Variants in PDZD2 observed in about 807,000 individuals in gnomAD.
The protein encoded by PDZD2 is PDZ domain containing 2, also known as PDZ domain-containing protein 2.
Under a neutral mutation model 220.7 loss-of-function variants are expected in PDZD2, and 90 were observed. The ratio of observed to expected loss-of-function variants is 0.41; its 90% confidence interval spans 0.34 to 0.49. The LOEUF is 0.49. Ranked by LOEUF, PDZD2 falls within the 20% of genes least tolerant of loss-of-function variation. PDZD2 has a pLI of 0.28. For missense variants in PDZD2, 3,174 were observed against 3,608.5 expected (o/e 0.88, Z 3.08); for synonymous variants, 1,375 against 1,450.5 (o/e 0.95, Z 1.18).
chr5:32,061,041 C>T lies in PDZD2; in HGVS notation c.2358C>T (p.Val786=). 6.2e-7 allele frequency: 1 copy of T among 1,614,192 alleles called. No homozygotes were observed. Among genetic ancestry groups the T allele is most frequent in the African/African-American group, 1.3e-5 (1 of 75,052 alleles). The stretch of plus-strand genomic sequence containing the variant: ...TCCTGGAAGTGAACTCCGTCAACGT[C>T]CGCCATGCTGCTTTAAGCAAAGTCC... ...DQILEVNSVN[V]RHAALSKVHA... The change falls in exon 14 of 25, where the codon GTC becomes GTT. Residue 786 remains valine, a synonymous_variant. Transcript: ENST00000438447.
intron 6 of PDZD2, among the ~76,000 whole-genome samples, chr5:32,018,102 T>C (rs1157852214): frequency 1.3e-5 from 2 of 152,100 alleles, no homozygotes; most frequent in Non-Finnish European, 2.9e-5. Flanking sequence ...GTGCTAGGAG[T>C]TCACAGACTG....
chr5:31,889,587 A>T (rs1365976899), intron 2 of PDZD2, among the ~76,000 whole-genome samples: 1 of 152,186 alleles, frequency 6.6e-6, no homozygotes, highest in Non-Finnish European at 1.5e-5. Context: ...ATCTGAGTAT[A>T]AAGGCAGTGG....
chr5:31,844,567 T>C (rs1277051884), intron 2 of PDZD2, among the ~76,000 whole-genome samples: 1 of 152,250 alleles, frequency 6.6e-6, no homozygotes, highest in African/African-American at 2.4e-5. Context: ...AAAAATTCCA[T>C]GTGATTTTTG....
At chr5:31,947,459 C>T (rs1561158884) in intron 2 of PDZD2, among the ~76,000 whole-genome samples, 1 of 152,320 alleles carries the variant, frequency 6.6e-6, no homozygotes, top group Middle Eastern at 3.4e-3. Flanking sequence ...CCATTTCATC[C>T]TTCAGTGCCT....
intron 1 of PDZD2, among the ~76,000 whole-genome samples, chr5:31,788,620 C>A (rs553526289): frequency 1.3e-5 from 2 of 151,956 alleles, no homozygotes. Flanking sequence ...GAGCCGAGAT[C>A]GTGCCACTGC....
chr5:32,079,035 C>T (rs1056573380), intron 19 of PDZD2, among the ~76,000 whole-genome samples: 1 of 150,832 alleles, frequency 6.6e-6, no homozygotes, highest in South Asian at 2.1e-4. Context: ...AAGGGGGGGC[C>T]GATCACTTGA....
intron 2 of PDZD2, among the ~76,000 whole-genome samples, chr5:31,873,739 CT>C (rs112360135): frequency 9.7e-5 from 14 of 145,070 alleles, no homozygotes; most frequent in African/African-American, 7.6e-5. Context: ...AGTCTTGAGT[CT>C]TTTTTTTTTG....
chr5:31,944,497 C>G (rs1746467001), intron 2 of PDZD2, among the ~76,000 whole-genome samples: 1 of 152,238 alleles, frequency 6.6e-6, no homozygotes, highest in Non-Finnish European at 1.5e-5. Context: ...TCCAAACTCA[C>G]TTCCTATAAT....
At chr5:31,815,245 CAAAAAAAAAAAAA>C (rs59040987) in intron 2 of PDZD2, among the ~76,000 whole-genome samples, 5 of 57,916 alleles carry the variant, frequency 8.6e-5, no homozygotes, top group Admixed American at 7.2e-4. Flanking sequence ...AACTCTGTCT[CAAAAAAAAAAAAA>C]AAAAAAAAAA....
chr5:31,918,497 A>G (rs1743878749), intron 2 of PDZD2, among the ~76,000 whole-genome samples: 1 of 152,240 alleles, frequency 6.6e-6, no homozygotes, highest in Non-Finnish European at 1.5e-5. Flanking sequence ...GGTTTATTAT[A>G]GTCAGCAAAT....
At chr5:31,687,033 G>C (rs542491439) in intron 1 of PDZD2, among the ~76,000 whole-genome samples, 1 of 152,282 alleles carries the variant, frequency 6.6e-6, no homozygotes, top group Non-Finnish European at 1.5e-5. Context: ...ATAGACACCA[G>C]AGGGAATTTT....
chr5:31,964,135 G>C (rs756008787), intron 2 of PDZD2, among the ~76,000 whole-genome samples: 57 of 152,358 alleles, frequency 3.7e-4, no homozygotes, highest in Non-Finnish European at 7.1e-4. Context: ...ACCACCCTGT[G>C]TGAGTTCACT....
In PDZD2 at chr5:31,823,229, G is replaced by C. The variant is rs903129692; in HGVS notation, c.476+23505G>C. ...CGCCTGTAATCCCAGCACTTTGGGA[G>C]GCCAAGGCAGGTAGATCACGAGGTC... is the stretch of plus-strand genomic sequence containing the variant. On this transcript the variant is annotated intron_variant, in intron 2 of 24. Transcript: ENST00000438447. The C allele has an allele frequency of 1.4e-5, 5 of 349,490 alleles. No individual in the cohort carries two copies. In the Admixed American group the frequency reaches 1.6e-4, roughly 11 times the overall value. The allele number at this position is 349,490 out of a possible 1,614,324, so 21.6% of individuals were successfully genotyped here. A position where few individuals can be genotyped will look rare whatever the true frequency, so the allele number is the denominator to read the frequency against.
intron 2 of PDZD2, among the ~76,000 whole-genome samples, chr5:31,914,253 C>T (rs939207729): frequency 1.3e-5 from 2 of 152,160 alleles, no homozygotes; most frequent in Non-Finnish European, 2.9e-5. Flanking sequence ...TGATCCTGGC[C>T]GGGCGCGGTG....
In PDZD2 at chr5:31,990,666, C is replaced by G. The variant is rs1240584282; in HGVS notation, c.979-4910C>G. ...ACATTCTATATTTGTTCATTCAGTG[C>G]TATTTATGGGATATTATAATGTGGT... On this transcript the variant is annotated intron_variant, in intron 3 of 24. Coordinates refer to ENST00000438447, the MANE Select transcript of PDZD2 (RefSeq NM_178140.4). 3.3e-5 allele frequency among the ~76,000 whole-genome samples: 5 copies of G among 152,192 alleles called. No homozygotes were observed. In the East Asian group the frequency reaches 7.7e-4, roughly 23 times the overall value.
At chr5:31,659,657 G>A (rs1180109788) in intron 1 of PDZD2, among the ~76,000 whole-genome samples, 1 of 152,074 alleles carries the variant, frequency 6.6e-6, no homozygotes, top group African/African-American at 2.4e-5. Context: ...TCTTGTATAG[G>A]ACTGCTAAGA....
chr5:32,010,175 C>T (rs1259707553), intron 5 of PDZD2, among the ~76,000 whole-genome samples, 155 bp from the exon 6 acceptor site: 1 of 152,104 alleles, frequency 6.6e-6, no homozygotes, highest in Non-Finnish European at 1.5e-5. Flanking sequence ...TGGGTCCACA[C>T]CCCTGGCCTT....
At chr5:32,050,192 A>G (rs1240647386) in intron 8 of PDZD2, among the ~76,000 whole-genome samples, 1 of 152,096 alleles carries the variant, frequency 6.6e-6, no homozygotes, top group Non-Finnish European at 1.5e-5. Context: ...CGGCCTCCCA[A>G]AGTGCTGGGA....
rs561132159 is a variant in PDZD2, at chr5:31,817,102, C to T, written c.476+17378C>T. 8.5e-4 allele frequency among the ~76,000 whole-genome samples: 126 copies of T among 148,736 alleles called. 5 individuals are homozygous for T. The South Asian group carries it at 0.026, about 31-fold the overall frequency. On this transcript the variant is annotated intron_variant, in intron 2 of 24. Coordinates refer to ENST00000438447, the MANE Select transcript of PDZD2 (RefSeq NM_178140.4). ...TCAAGAGGCTGAGGCAGGAGAATGG[C>T]GTGAACCCAGGAGGTGGAGCTTGCG...
Sources: allele counts gnomAD v4.1 joint callset (sites outside exome capture counted in the v4.1 genomes callset), GRCh38; gene constraint gnomAD v4.1.1; transcripts MANE v1.5; gene names NCBI Gene and HGNC (gene_info 2026-07-23, HGNC 2026-07-21).